LRMDA: variants seen among roughly 807,000 people sequenced by gnomAD.
The protein encoded by LRMDA is leucine-rich melanocyte differentiation-associated protein.
In LRMDA, 18 loss-of-function variants were observed where a neutral mutation model predicts 29.8. The ratio of observed to expected loss-of-function variants is 0.60; its 90% CI spans 0.42 to 0.90. The LOEUF (loss-of-function observed/expected upper bound fraction) is 0.90, where lower values mean the gene tolerates loss of function less well. Ranked by LOEUF, LRMDA falls within the 40% of genes least tolerant of loss-of-function variation. The pLI is 0.00. For synonymous variants in LRMDA, 125 were observed against 109.4 expected, an observed-to-expected ratio of 1.14 and a Z score of -0.89; for missense variants, 273 against 273.9, an observed-to-expected ratio of 1.00 and a Z score of 0.02.
chr10:76,243,607 A>G (rs1344334265), intron 5 of LRMDA, among the ~76,000 whole-genome samples: 2 of 152,184 alleles, frequency 1.3e-5, no homozygotes, highest in African/African-American at 4.8e-5. Context: ...CTTGGTCACA[A>G]ACTTTCTGGA....
chr10:76,056,733 G>A (rs1458971480), intron 4 of LRMDA, among the ~76,000 whole-genome samples: 1 of 152,212 alleles, frequency 6.6e-6, no homozygotes, highest in Non-Finnish European at 1.5e-5. Flanking sequence ...GAGAGGCCAG[G>A]CAGTGGGAGC....
chr10:75,646,043 C>T (rs1003788372), intron 2 of LRMDA, among the ~76,000 whole-genome samples: 6 of 151,388 alleles, frequency 4.0e-5, no homozygotes, highest in Non-Finnish European at 8.8e-5. Flanking sequence ...GTTGTGCCCC[C>T]ACCTCCATCC....
intron 2 of LRMDA, chr10:75,647,540 G>T (rs1841538439): frequency 6.6e-6 from 1 of 152,408 alleles, no homozygotes; most frequent in African/African-American, 2.4e-5. Flanking sequence ...AATGGGTCAT[G>T]TACATCCCAC....
intron 2 of LRMDA, among the ~76,000 whole-genome samples, chr10:75,512,806 G>A (rs143081433): frequency 1.3e-5 from 2 of 152,280 alleles, no homozygotes; most frequent in East Asian, 3.9e-4. Flanking sequence ...TTTATGTCAA[G>A]CATAGCTCAT....
intron 5 of LRMDA, among the ~76,000 whole-genome samples, chr10:76,064,455 T>G (rs1848752104): frequency 1.3e-5 from 2 of 152,220 alleles, no homozygotes; most frequent in Admixed American, 1.3e-4. Flanking sequence ...CCCACAAGTC[T>G]GTGTGTAGTT....
chr10:75,642,129 T>G (rs746524207), intron 2 of LRMDA, among the ~76,000 whole-genome samples: 1 of 152,166 alleles, frequency 6.6e-6, no homozygotes, highest in African/African-American at 2.4e-5. Flanking sequence ...CTTCGCAGAT[T>G]CATGAACAGG....
chr10:76,440,105 C>G (rs1376604765), intron 6 of LRMDA, among the ~76,000 whole-genome samples: 5 of 152,142 alleles, frequency 3.3e-5, no homozygotes, highest in African/African-American at 1.2e-4. Flanking sequence ...GTTAAAGATA[C>G]AAGAGCGATT....
chr10:76,284,047 C>T (rs1840240181), intron 5 of LRMDA, among the ~76,000 whole-genome samples: 1 of 152,148 alleles, frequency 6.6e-6, no homozygotes, highest in Non-Finnish European at 1.5e-5. Flanking sequence ...GTCACATCTT[C>T]AAGAGCTCAG....
At chr10:75,665,085 T>G (rs946960865) in intron 2 of LRMDA, among the ~76,000 whole-genome samples, 1 of 152,196 alleles carries the variant, frequency 6.6e-6, no homozygotes. Flanking sequence ...GAAGCCTCCA[T>G]AGAAGAAATA....
chr10:76,309,218 G>A (rs538602216), intron 5 of LRMDA, among the ~76,000 whole-genome samples: 18 of 152,254 alleles, frequency 1.2e-4, no homozygotes, highest in East Asian at 7.8e-4. Flanking sequence ...TTTGATCAGC[G>A]GGGAGGAGGG....
intron 3 of LRMDA, among the ~76,000 whole-genome samples, chr10:76,043,874 C>G (rs187340960): frequency 6.6e-6 from 1 of 152,242 alleles, no homozygotes; most frequent in East Asian, 1.9e-4. Context: ...ATACAGCAGA[C>G]AGAAAAAAGA....
At chr10:76,127,168 G>A (rs1192806715) in intron 5 of LRMDA, among the ~76,000 whole-genome samples, 1 of 152,120 alleles carries the variant, frequency 6.6e-6, no homozygotes, top group Non-Finnish European at 1.5e-5. Context: ...TAGAAATAAG[G>A]TCATTTTTTA....
At chr10:76,461,674 A>G (rs906513408) in intron 6 of LRMDA, among the ~76,000 whole-genome samples, 4 of 152,180 alleles carry the variant, frequency 2.6e-5, no homozygotes, top group Non-Finnish European at 4.4e-5. Context: ...AATCCTCATC[A>G]AACTATTATG....
chr10:75,648,908 T>A (rs1298003251), intron 2 of LRMDA, among the ~76,000 whole-genome samples: 2 of 152,182 alleles, frequency 1.3e-5, no homozygotes, highest in African/African-American at 4.8e-5. Flanking sequence ...GAACTTCCAG[T>A]GCACTGGGCT....
chr10:76,344,214 A>G (rs1382537817), intron 6 of LRMDA, among the ~76,000 whole-genome samples: 2 of 152,184 alleles, frequency 1.3e-5, no homozygotes, highest in East Asian at 3.8e-4. Flanking sequence ...AATATGCAAA[A>G]TCTTTAGACT....
intron 5 of LRMDA, among the ~76,000 whole-genome samples, chr10:76,075,200 C>T (rs1848938144): frequency 6.6e-6 from 1 of 152,342 alleles, no homozygotes; most frequent in African/African-American, 2.4e-5. Flanking sequence ...CAGATTGTGA[C>T]TGCATTTGGA....
At chr10:75,848,082 A>G (rs1844671457) in intron 2 of LRMDA, among the ~76,000 whole-genome samples, 1 of 152,214 alleles carries the variant, frequency 6.6e-6, no homozygotes, top group Non-Finnish European at 1.5e-5. Context: ...AAAGAATTCA[A>G]AGCAAGATCT....
At chr10:76,039,744 G>T (rs79731580) in intron 3 of LRMDA, among the ~76,000 whole-genome samples, 1 of 152,158 alleles carries the variant, frequency 6.6e-6, no homozygotes, top group African/African-American at 2.4e-5. Context: ...GGTTTCCTTT[G>T]AAAATGCAGA....
intron 2 of LRMDA, among the ~76,000 whole-genome samples, chr10:75,846,738 A>C (rs967669557): frequency 6.6e-6 from 1 of 152,192 alleles, no homozygotes; most frequent in Non-Finnish European, 1.5e-5. Flanking sequence ...CACCACCAAC[A>C]AAAACCAAAG....
Sources: gnomAD v4.1 joint callset for allele counts (sites outside exome capture counted in the v4.1 genomes callset) on GRCh38, gnomAD v4.1.1 for gene constraint, MANE v1.5 for transcripts, NCBI Gene and HGNC (gene_info 2026-07-23, HGNC 2026-07-21) for gene names.